MALRD1: variants seen among roughly 807,000 people sequenced by gnomAD.
MALRD1 encodes MAM and LDL-receptor class A domain-containing protein 1.
A neutral mutation model predicts 242.1 loss-of-function variants in MALRD1; 247 were observed. The observed-to-expected ratio is 1.02, with a 90% CI of 0.92 to 1.13. The LOEUF (loss-of-function observed/expected upper bound fraction) is 1.13. Among genes scored for constraint, MALRD1 ranks in the 50% most tolerant of loss-of-function variants. The pLI, the probability that MALRD1 is intolerant of heterozygous loss-of-function variation, is 0.00. For synonymous variants in MALRD1, 995 were observed against 866.6 expected, an observed-to-expected ratio of 1.15 and a Z score of -2.60; for missense variants, 2,989 against 2,533.1, an observed-to-expected ratio of 1.18 and a Z score of -3.86.
rs141637496 is a variant in MALRD1, at chr10:19,097,544, C to T, written c.598-6435C>T. 6.4e-4 allele frequency among the ~76,000 whole-genome samples: 98 copies of T among 152,248 alleles called. 4 individuals are homozygous for T. In the East Asian group the frequency reaches 0.016, roughly 25 times the overall value. ...ATGTTCAAGGAGACAAAGAATAAAA[C>T]GAACTAAACATACAGTAGAAATGTA... On this transcript the variant is annotated intron_variant, in intron 4 of 39. Transcript: ENST00000454679.
At chr10:19,069,223 T>G (rs554855418) in intron 2 of MALRD1, among the ~76,000 whole-genome samples, 42 of 152,080 alleles carry the variant, frequency 2.8e-4, no homozygotes, top group Non-Finnish European at 4.3e-4. Context: ...ATTTGGGCAT[T>G]TAAAATCAGT....
At position 19,217,276 on chromosome 10, in the gene MALRD1, C is replaced by T. The variant is rs561488312; in HGVS notation, c.2991+7596C>T. ...TGTTTCTGTGTGCCTCTCATCCCTA[C>T]ATTTACTGATTCCTGTGTGCCATAA... On this transcript the variant is annotated intron_variant, in intron 18 of 39. Transcript: ENST00000454679. Among the ~76,000 whole-genome samples, 3 of 152,278 alleles carry T rather than the reference C, an allele frequency of 2.0e-5. No individual in the cohort carries two copies. The East Asian group carries it at 5.8e-4, about 29-fold the overall frequency.
rs141295298 is a variant in MALRD1, at chr10:19,570,310, C to T, written c.5680+2607C>T. ...CCTCAGACTGGGGTATACAGATATC[C>T]ACAGCAATGTCTTAGGGATTATGCA... On this transcript the variant is annotated intron_variant, in intron 33 of 39. Transcript: ENST00000454679. Among the ~76,000 whole-genome samples, 286 of 152,010 alleles carry T rather than the reference C, an allele frequency of 1.9e-3. 1 individual carries two copies. The highest frequency in any genetic ancestry group is 6.7e-3 in the African/African-American group (279 of 41,496).
intron 34 of MALRD1, among the ~76,000 whole-genome samples, chr10:19,601,164 G>C (rs1838323367): frequency 6.6e-6 from 1 of 152,074 alleles, no homozygotes; most frequent in Non-Finnish European, 1.5e-5. Context: ...TTACAGGTGT[G>C]AGCCACTGTG....
At chr10:19,297,743 A>C (rs1841774366) in intron 21 of MALRD1, among the ~76,000 whole-genome samples, 1 of 151,934 alleles carries the variant, frequency 6.6e-6, no homozygotes, top group Non-Finnish European at 1.5e-5. Context: ...GATTTAAAAA[A>C]CTGTGTCATT....
intron 31 of MALRD1, among the ~76,000 whole-genome samples, chr10:19,527,751 A>G (rs556146458): frequency 7.2e-5 from 11 of 152,228 alleles, no homozygotes; most frequent in Non-Finnish European, 1.5e-4. Flanking sequence ...CATACTTTCA[A>G]TTAAGCCTTA....
intron 29 of MALRD1, among the ~76,000 whole-genome samples, chr10:19,458,966 C>A (rs914924390): frequency 6.6e-6 from 1 of 151,888 alleles, no homozygotes; most frequent in African/African-American, 2.4e-5. Context: ...AGTATATCAT[C>A]AAGCCCATCC....
At chr10:19,613,904 G>C (rs1001862506) in intron 35 of MALRD1, among the ~76,000 whole-genome samples, 3 of 151,968 alleles carry the variant, frequency 2.0e-5, no homozygotes, top group African/African-American at 7.2e-5. Context: ...ATAAATGGCT[G>C]CTGATTCTCT....
At chr10:19,586,450 G>C (rs946120578) in intron 33 of MALRD1, among the ~76,000 whole-genome samples, 4 of 152,106 alleles carry the variant, frequency 2.6e-5, no homozygotes, top group African/African-American at 9.7e-5. Flanking sequence ...TAACGGACAG[G>C]ACCCTCAGCT....
At chr10:19,380,998 G>C (rs10827334) in intron 26 of MALRD1, among the ~76,000 whole-genome samples, 124,546 of 143,912 alleles carry the variant, frequency 0.87, 54,239 homozygotes, top group African/African-American at 0.94. Flanking sequence ...CATGCTGGTG[G>C]GCTGCACCCA....
intron 38 of MALRD1, among the ~76,000 whole-genome samples, chr10:19,714,352 C>T (rs1226940566): frequency 6.6e-6 from 1 of 152,120 alleles, no homozygotes; most frequent in South Asian, 2.1e-4. Flanking sequence ...GGCCAAACTC[C>T]GCATCGTTCA....
chr10:19,146,428 T>C, intron 11 of MALRD1, 84 bp downstream of exon 11: 2 of 1,114,480 alleles, frequency 1.8e-6, no homozygotes, highest in Non-Finnish European at 2.3e-6. Context: ...TCATTTCTAT[T>C]CTGTAGACTG....
chr10:19,284,327 T>C (rs1339682761), intron 21 of MALRD1, among the ~76,000 whole-genome samples: 1 of 151,546 alleles, frequency 6.6e-6, no homozygotes, highest in African/African-American at 2.4e-5. Flanking sequence ...TGTATACATG[T>C]GCCACGCTGG....
At chr10:19,078,568 T>G (rs1220157470) in intron 2 of MALRD1, among the ~76,000 whole-genome samples, 1 of 151,916 alleles carries the variant, frequency 6.6e-6, no homozygotes, top group Non-Finnish European at 1.5e-5. Context: ...TTCTTCCTCT[T>G]TTGTTTTTTA....
chr10:19,511,467 C>G (rs1330580095), intron 31 of MALRD1, among the ~76,000 whole-genome samples: 1 of 152,154 alleles, frequency 6.6e-6, no homozygotes, highest in African/African-American at 2.4e-5. Flanking sequence ...GGTTAGAGCC[C>G]ATCAACAATT....
chr10:19,426,978 T>C (rs1339637928), intron 28 of MALRD1, among the ~76,000 whole-genome samples: 1 of 152,216 alleles, frequency 6.6e-6, no homozygotes, highest in African/African-American at 2.4e-5. Context: ...TTGCAGTTTC[T>C]TTTCCGTAAT....
At chr10:19,562,971 A>G (rs1589243210) in intron 32 of MALRD1, among the ~76,000 whole-genome samples, 1 of 152,164 alleles carries the variant, frequency 6.6e-6, no homozygotes, top group Non-Finnish European at 1.5e-5. Context: ...TGCCAAAAAG[A>G]CTGGGGATCA....
chr10:19,569,944 A>G (rs924705915), intron 33 of MALRD1, among the ~76,000 whole-genome samples: 18 of 151,646 alleles, frequency 1.2e-4, no homozygotes, highest in African/African-American at 4.1e-4. Flanking sequence ...CATAGGGCCT[A>G]GGAAATGTAG....
chr10:19,518,606 ATT>A (rs1200648732), intron 31 of MALRD1, among the ~76,000 whole-genome samples: 1 of 152,018 alleles, frequency 6.6e-6, no homozygotes, highest in African/African-American at 2.4e-5. Context: ...CCAGATCTCT[ATT>A]TCCAAATTTT....
Sources: allele counts gnomAD v4.1 joint callset (sites outside exome capture counted in the v4.1 genomes callset), GRCh38; gene constraint gnomAD v4.1.1; transcripts MANE v1.5; gene names NCBI Gene and HGNC (gene_info 2026-07-23, HGNC 2026-07-21).